TRNT1: variants seen among roughly 807,000 people sequenced by gnomAD.
TRNT1 encodes the protein CCA tRNA nucleotidyltransferase 1, mitochondrial.
A neutral mutation model predicts 45.6 loss-of-function variants in TRNT1; 44 were observed. That is an observed-to-expected ratio of 0.97 (90% CI 0.76 to 1.24). The LOEUF is 1.24. TRNT1 is among the 50% of genes most tolerant of loss of function. The probability of loss-of-function intolerance (pLI) is 0.00; values close to 1 mark genes in which losing one functional copy is unlikely to be tolerated. For synonymous variants in TRNT1, 201 were observed against 171.4 expected (o/e 1.17, Z -1.35); for missense variants, 633 against 504.4 (o/e 1.25, Z -2.44).
At chr3:3,150,940 C>T (rs200513126), downstream of TRNT1, 18 of 1,613,976 alleles carry the variant, frequency 1.1e-5, no homozygotes, top group East Asian at 8.9e-5. Flanking sequence ...GAGCAGATCG[C>T]GTTAAGCCCC....
At chr3:3,135,398 A>C (rs1705261988) in intron 2 of TRNT1, among the ~76,000 whole-genome samples, 1 of 152,180 alleles carries the variant, frequency 6.6e-6, no homozygotes, top group South Asian at 2.1e-4. Context: ...GGAGCAGTTA[A>C]TGCGTAGCGT....
intron 2 of TRNT1, chr3:3,131,479 T>G (rs1469635496): frequency 6.6e-6 from 1 of 152,102 alleles, no homozygotes; most frequent in Non-Finnish European, 1.5e-5. Context: ...GCTAGCCATA[T>G]GTAGAAAGCT....
rs77793487 is a variant in TRNT1 at position 3,141,809 on chromosome 3, A to G, written c.481+1161A>G. 1.2e-3 allele frequency among the ~76,000 whole-genome samples: 184 copies of G among 152,328 alleles called. 2 individuals carry two copies. Among genetic ancestry groups the G allele is most frequent in the African/African-American group, 4.3e-3 (177 of 41,574 alleles). On this transcript the variant is annotated intron_variant, in intron 4 of 7. Coordinates refer to ENST00000251607, the MANE Select transcript of TRNT1 (RefSeq NM_182916.3). ...TGCATAGATGGGCAAGAAGTTTATA[A>G]GCTAAGGTGGCATCTCTTGCTGATT... is the stretch of plus-strand genomic sequence containing the variant.
chr3:3,130,875 A>G (rs1704976405), intron 2 of TRNT1, among the ~76,000 whole-genome samples: 1 of 151,986 alleles, frequency 6.6e-6, no homozygotes, highest in Non-Finnish European at 1.5e-5. Context: ...TGAGCCCAGG[A>G]GTTTGAGACC....
In TRNT1 at chr3:3,137,426, A is replaced by G. The variant is rs1705395384; in HGVS notation, c.315A>G (p.Gly105=). 6.2e-7 allele frequency: 1 copy of G among 1,612,066 alleles called. No individual in the cohort carries two copies. ...SAGIRMINNR[G]EKHGTITARL... Reference sequence around the variant, plus strand: ...GGATTCGGATGATAAACAACAGAGGAGAAAAGCACGGAACAATTACTGCCA... The same window carrying G: ...GGATTCGGATGATAAACAACAGAGGGGAAAAGCACGGAACAATTACTGCCA... Residue 105 remains glycine (G), a synonymous_variant, in exon 3 of 8, where the codon GGA becomes GGG. Transcript: ENST00000251607.
intron 2 of TRNT1, among the ~76,000 whole-genome samples, chr3:3,136,488 C>G (rs1705331356): frequency 6.6e-6 from 1 of 152,124 alleles, no homozygotes; most frequent in African/African-American, 2.4e-5. Flanking sequence ...TAGCTATAAA[C>G]ATTAATCATA....
downstream of TRNT1, among the ~76,000 whole-genome samples, chr3:3,152,150 A>ATTTT (rs66844241): frequency 4.6e-3 from 679 of 147,158 alleles, 7 homozygotes; most frequent in African/African-American, 8.0e-3. Context: ...ATTTAAATAA[A>ATTTT]TTTTTTTTTT....
chr3:3,138,701 G>C (rs1705469766), intron 3 of TRNT1, among the ~76,000 whole-genome samples: 1 of 152,110 alleles, frequency 6.6e-6, no homozygotes, highest in Admixed American at 6.5e-5. Flanking sequence ...GTATAATACT[G>C]ACAACTTCTG....
At chr3:3,135,221 G>C (rs1045670571) in intron 2 of TRNT1, among the ~76,000 whole-genome samples, 8 of 152,160 alleles carry the variant, frequency 5.3e-5, no homozygotes, top group African/African-American at 1.9e-4. Context: ...TCAGTGAAGT[G>C]ACTCACACAA....
intron 2 of TRNT1, among the ~76,000 whole-genome samples, chr3:3,132,812 T>TG (rs1705100326): frequency 6.8e-6 from 1 of 147,964 alleles, no homozygotes; most frequent in African/African-American, 2.5e-5. Flanking sequence ...AGAGCCTAAA[T>TG]GGTGTGGTAA....
downstream of TRNT1, chr3:3,153,100 A>C (rs1420909710): frequency 6.2e-6 from 2 of 321,886 alleles, no homozygotes; most frequent in African/African-American, 4.3e-5. Flanking sequence ...GATGACTGAA[A>C]TGTAATTTCT....
Position 3,129,057 on chromosome 3 carries a change from A to G in TRNT1, c.17A>G (p.Tyr6Cys), listed in dbSNP as rs1201044380. Residue 6 changes from tyrosine (Y) to cysteine (C), a missense_variant, in exon 2 of 8, where the codon TAT becomes TGT. By Grantham distance (194) the Tyr-to-Cys change is radical (BLOSUM62 -2). Coordinates refer to ENST00000251607, the MANE Select transcript of TRNT1 (RefSeq NM_182916.3). MLRCLYHWHRPVLNRR... is the reference protein window; with the variant it reads MLRCLCHWHRPVLNRR... ...CCTCTCCAGATGCTGAGGTGCCTGTATCATTGGCACAGGCCAGTGCTGAAC... is the reference window on the plus strand; with the variant it reads ...CCTCTCCAGATGCTGAGGTGCCTGTGTCATTGGCACAGGCCAGTGCTGAAC... The G allele has an allele frequency of 5.6e-6, 9 of 1,611,630 alleles. No individual in the cohort carries two copies. Among genetic ancestry groups the G allele is most frequent in the Non-Finnish European group, 7.6e-6 (9 of 1,178,600 alleles).
rs564405972 is a variant in TRNT1 at position 3,141,142 on chromosome 3, A to C, written c.481+494A>C. On this transcript the variant is annotated intron_variant, in intron 4 of 7. Transcript: ENST00000251607. ...TCTGACTCCGTCACTCACTAGCCAC[A>C]AAACAAAAACGTTAATTAATATTGG... Among the ~76,000 whole-genome samples the C allele has an allele frequency of 2.0e-5, 3 of 152,352 alleles. No homozygotes were observed. The South Asian group carries it at 6.2e-4, about 32-fold the overall frequency.
In TRNT1 at chr3:3,146,639, A is replaced by C. The variant is rs755030575; in HGVS notation, c.802+16A>C. ...CCTTATATAGGTGAGAGCAAGTTAT[A>C]AAGTGTTTGAATTTTTGGCAGTGAA... On this transcript the variant is annotated intron_variant, in intron 6 of 7. Transcript: ENST00000251607. The C allele has an allele frequency of 6.6e-7, 1 of 1,524,684 alleles. No individual in the cohort carries two copies. The highest frequency in any genetic ancestry group is 8.8e-7 in the Non-Finnish European group (1 of 1,135,484). 94.4% of individuals were successfully genotyped at this position (1,524,684 alleles called of 1,614,324 possible).
intron 1 of TRNT1, among the ~76,000 whole-genome samples, chr3:3,128,680 T>C (rs1215740745): frequency 6.6e-6 from 1 of 151,362 alleles, no homozygotes; most frequent in Non-Finnish European, 1.5e-5. Context: ...GCAAAACTCT[T>C]GGGGGGCTTT....
intron 5 of TRNT1, among the ~76,000 whole-genome samples, chr3:3,146,057 T>G (rs975527620): frequency 2.0e-5 from 3 of 151,042 alleles, no homozygotes; most frequent in African/African-American, 7.3e-5. Flanking sequence ...TTGTTTTGGT[T>G]TGCTGCCTTT....
In TRNT1 at chr3:3,137,337, C is replaced by T; in HGVS notation, c.226C>T (p.Gln76Ter). The T allele has an allele frequency of 6.2e-7, 1 of 1,613,792 alleles. No individual in the cohort carries two copies. The highest frequency in any genetic ancestry group is 2.2e-5 in the East Asian group (1 of 44,858). The change falls in exon 3 of 8, where the codon CAG becomes TAG. Residue 76 changes from glutamine to a stop codon, truncating the protein, a stop_gained. Transcript: ENST00000251607. LOFTEE classifies it high-confidence loss of function. ...VRDLLNGVKP[Q>*]DIDFATTATP... is the part of the protein sequence containing the mutation. ...GGATTTATTAAATGGAGTAAAGCCT[C>T]AGGATATAGATTTTGCCACCACTGC... is the stretch of plus-strand genomic sequence containing the variant.
rs778000505 is a variant in TRNT1, at chr3:3,129,021, G to T, written c.-20G>T. The T allele has an allele frequency of 1.3e-6, 2 of 1,583,208 alleles. No homozygotes were observed. Among genetic ancestry groups the T allele is most frequent in the African/African-American group, 2.7e-5 (2 of 74,550 alleles). On this transcript the variant is annotated 5_prime_UTR_variant, in exon 2 of 8. Coordinates refer to ENST00000251607, the MANE Select transcript of TRNT1 (RefSeq NM_182916.3). ...TGTGTATTTGCCTTGTAGATGTGTA[G>T]TTGGTGACTGCCTCTCCAGATGCTG... is the stretch of plus-strand genomic sequence containing the variant.
In TRNT1 at chr3:3,134,943, G is replaced by T. The variant is rs148068070; in HGVS notation, c.149-2317G>T. On this transcript the variant is annotated intron_variant, in intron 2 of 7. Coordinates refer to ENST00000251607, the MANE Select transcript of TRNT1 (RefSeq NM_182916.3). Reference sequence around the variant, plus strand: ...TCCTAAAGTGAGTCACAACAGATAAGTAAGAGTGAGCTAGATCATTGTTTT... The same window carrying T: ...TCCTAAAGTGAGTCACAACAGATAATTAAGAGTGAGCTAGATCATTGTTTT... 2.7e-3 allele frequency among the ~76,000 whole-genome samples: 418 copies of T among 152,180 alleles called. 1 individual carries two copies. The highest frequency in any genetic ancestry group is 4.7e-3 in the Non-Finnish European group (319 of 68,012).
Sources: allele counts gnomAD v4.1 joint callset (sites outside exome capture counted in the v4.1 genomes callset), GRCh38; gene constraint gnomAD v4.1.1; transcripts MANE v1.5; gene names NCBI Gene and HGNC (gene_info 2026-07-23, HGNC 2026-07-21).